The following NCKAP5 variants were observed in gnomAD, a reference collection of about 807,000 sequenced individuals.
The protein encoded by NCKAP5 is nck-associated protein 5.
In NCKAP5, 92 loss-of-function variants were observed where a neutral mutation model predicts 167.0. That is an observed-to-expected ratio of 0.55 (90% CI 0.47 to 0.66). NCKAP5 has a LOEUF of 0.66. Ranked by LOEUF, NCKAP5 falls within the 30% of genes least tolerant of loss-of-function variation. NCKAP5 has a pLI of 0.00. For synonymous variants in NCKAP5, 891 were observed against 877.4 expected, an observed-to-expected ratio of 1.02 and a Z score of -0.27; for missense variants, 2,378 against 2,315.0, an observed-to-expected ratio of 1.03 and a Z score of -0.56.
At chr2:133,612,075 T>C in the NCKAP5 span, among the ~76,000 whole-genome samples, 1 of 152,172 alleles carries the variant, frequency 6.6e-6, no homozygotes, top group African/African-American at 2.4e-5. Flanking sequence ...TAGTTCACCA[T>C]TCAACCTGGC....
At chr2:132,920,647 A>G (rs1226601504) in intron 8 of NCKAP5, among the ~76,000 whole-genome samples, 1 of 128,044 alleles carries the variant, frequency 7.8e-6, no homozygotes, top group African/African-American at 3.2e-5. Flanking sequence ...GCTTATATAT[A>G]TATGGAAGAA....
chr2:133,244,452 C>T (rs1174941024), intron 4 of NCKAP5, among the ~76,000 whole-genome samples: 1 of 151,874 alleles, frequency 6.6e-6, no homozygotes, highest in African/African-American at 2.4e-5. Flanking sequence ...TTTATATAAC[C>T]CTATTTTATG....
chr2:133,174,800 C>G (rs1365876438), intron 5 of NCKAP5, among the ~76,000 whole-genome samples: 1 of 151,138 alleles, frequency 6.6e-6, no homozygotes, highest in Non-Finnish European at 1.5e-5. Flanking sequence ...GTTTAGAAAC[C>G]AAGATTGGTC....
At position 133,308,689 on chromosome 2, in the gene NCKAP5, C is replaced by CTT. The variant is rs35760716; in HGVS notation, c.70-5581_70-5580dup. Among the ~76,000 whole-genome samples, 329 of 59,288 alleles carry CTT rather than the reference C, an allele frequency of 5.5e-3. 71 individuals are homozygous for CTT. The highest frequency in any genetic ancestry group is 0.014 in the Middle Eastern group (1 of 74). The allele number at this position is 59,288 out of a possible 152,430, so 38.9% of individuals were successfully genotyped here. On this transcript the variant is annotated intron_variant, in intron 3 of 19. Coordinates refer to ENST00000409261, the MANE Select transcript of NCKAP5 (RefSeq NM_207363.3). ...TTTTTTCGTTTGAAGAAATACAATT[C>CTT]TTTTTTTTTTTTTTTTTTTTTTTTT...
At chr2:132,996,291 T>C (rs1402196644) in intron 6 of NCKAP5, among the ~76,000 whole-genome samples, 4 of 152,278 alleles carry the variant, frequency 2.6e-5, no homozygotes, top group Non-Finnish European at 5.9e-5. Context: ...CATACCTCTT[T>C]ATACACATGT....
At chr2:133,459,192 A>C (rs16825253) in intron 3 of NCKAP5, among the ~76,000 whole-genome samples, 35,773 of 152,078 alleles carry the variant, frequency 0.24, 4,448 homozygotes, top group East Asian at 0.42. Flanking sequence ...ACAAAGCCAG[A>C]TTCCATGTAT....
chr2:132,905,390 G>A (rs1205259780), intron 8 of NCKAP5, among the ~76,000 whole-genome samples: 2 of 152,084 alleles, frequency 1.3e-5, no homozygotes, highest in African/African-American at 4.8e-5. Context: ...ATGATATGGC[G>A]AGCCAGCATT....
rs79138380 is a variant in NCKAP5 at position 133,515,895 on chromosome 2, C to A, written c.69+1563G>T. Among the ~76,000 whole-genome samples the A allele has an allele frequency of 4.7e-3, 715 of 152,316 alleles. 18 individuals carry two copies. In the East Asian group the frequency reaches 0.052, roughly 11 times the overall value. ...ATTCCCACAACAAAATTCTGCTCATCGGTTTGACATTTGGCAGTGATCCAA... is the reference window on the plus strand; with the variant it reads ...ATTCCCACAACAAAATTCTGCTCATAGGTTTGACATTTGGCAGTGATCCAA... On this transcript the variant is annotated intron_variant, in intron 3 of 19. Transcript: ENST00000409261.
chr2:133,487,947 A>G (rs1046047056), intron 3 of NCKAP5, among the ~76,000 whole-genome samples: 11 of 152,228 alleles, frequency 7.2e-5, no homozygotes, highest in Non-Finnish European at 1.5e-4. Context: ...GCATGTAGGT[A>G]AAAAGTCAGG....
At chr2:132,675,815 T>C (rs1684369341) in intron 19 of NCKAP5, among the ~76,000 whole-genome samples, 1 of 148,174 alleles carries the variant, frequency 6.7e-6, no homozygotes, top group Admixed American at 6.7e-5. Flanking sequence ...AGAGAGGTTA[T>C]AGAAATGAAA....
chr2:133,096,513 T>C (rs1210046827), intron 6 of NCKAP5, among the ~76,000 whole-genome samples: 1 of 150,998 alleles, frequency 6.6e-6, no homozygotes, highest in Non-Finnish European at 1.5e-5. Flanking sequence ...AATAAATAAA[T>C]AAATAAATAA....
At chr2:133,418,065 T>C (rs940340541) in intron 3 of NCKAP5, among the ~76,000 whole-genome samples, 2 of 152,204 alleles carry the variant, frequency 1.3e-5, no homozygotes, top group African/African-American at 4.8e-5. Flanking sequence ...GAAAAAATGT[T>C]GAGACCCACT....
At chr2:132,821,893 C>T (rs772994043) in intron 11 of NCKAP5, among the ~76,000 whole-genome samples, 1 of 152,210 alleles carries the variant, frequency 6.6e-6, no homozygotes, top group African/African-American at 2.4e-5. Context: ...TGAGCCCACA[C>T]CTGCCTAACC....
At chr2:133,546,096 C>A (rs550833599) in intron 2 of NCKAP5, among the ~76,000 whole-genome samples, 1 of 152,024 alleles carries the variant, frequency 6.6e-6, no homozygotes, top group South Asian at 2.1e-4. Flanking sequence ...CCCCCACACC[C>A]CCGCCTTGCA....
At chr2:133,244,907 G>A (rs1443721358) in intron 4 of NCKAP5, among the ~76,000 whole-genome samples, 2 of 152,116 alleles carry the variant, frequency 1.3e-5, no homozygotes, top group Admixed American at 1.3e-4. Context: ...CTTTGGAAGA[G>A]GCAAAGGTTT....
intron 5 of NCKAP5, among the ~76,000 whole-genome samples, chr2:133,174,724 T>C (rs1047995404): frequency 4.3e-5 from 6 of 138,888 alleles, no homozygotes; most frequent in Non-Finnish European, 7.8e-5. Context: ...TTCTCCCCCC[T>C]GCTCCAGCTT....
At chr2:133,238,886 T>C (rs924004515) in intron 4 of NCKAP5, among the ~76,000 whole-genome samples, 1 of 152,188 alleles carries the variant, frequency 6.6e-6, no homozygotes, top group African/African-American at 2.4e-5. Context: ...GAGGAATGAA[T>C]GAAAGAGGGT....
intron 3 of NCKAP5, among the ~76,000 whole-genome samples, chr2:133,403,089 G>T (rs535930900): frequency 1.3e-5 from 2 of 152,308 alleles, no homozygotes; most frequent in South Asian, 4.1e-4. Flanking sequence ...TTGAGAAAAA[G>T]AAATCATGCC....
At chr2:133,320,692 C>T (rs1383925548) in intron 3 of NCKAP5, among the ~76,000 whole-genome samples, 2 of 152,104 alleles carry the variant, frequency 1.3e-5, no homozygotes, top group Non-Finnish European at 2.9e-5. Context: ...CACACCACTG[C>T]ACTCCAGCGA....
Sources: allele counts gnomAD v4.1 joint callset (sites outside exome capture counted in the v4.1 genomes callset), GRCh38; gene constraint gnomAD v4.1.1; transcripts MANE v1.5; gene names NCBI Gene and HGNC (gene_info 2026-07-23, HGNC 2026-07-21).